The following ELOVL6 variants were observed in gnomAD, a reference collection of about 807,000 sequenced individuals.
ELOVL6 encodes the protein very long chain fatty acid elongase 6.
Under a neutral mutation model 31.7 loss-of-function variants are expected in ELOVL6, and 8 were observed. The observed-to-expected ratio is 0.25, with a 90% CI of 0.15 to 0.45. The LOEUF is 0.45. Among genes scored for constraint, ELOVL6 ranks in the 20% least tolerant of loss-of-function variants. The pLI is 1.00. For missense variants in ELOVL6, 126 were observed against 326.4 expected (o/e 0.39, Z 4.73); for synonymous variants, 101 against 117.7 (o/e 0.86, Z 0.92).
chr4:110,174,390 C>T (rs937671614), intron 1 of ELOVL6, among the ~76,000 whole-genome samples: 1 of 151,974 alleles, frequency 6.6e-6, no homozygotes, highest in Non-Finnish European at 1.5e-5. Context: ...GGTCTTGAAC[C>T]CCCGGCCTCA....
At chr4:110,068,640 C>T (rs1001853507) in intron 2 of ELOVL6, among the ~76,000 whole-genome samples, 27 of 152,182 alleles carry the variant, frequency 1.8e-4, no homozygotes, top group African/African-American at 4.6e-4. Context: ...AGGGTCTGAA[C>T]GTTTCTTAGA....
rs759313545 is a variant in ELOVL6 at position 110,119,130 on chromosome 4, G to T, written c.90-13502C>A. ...CTCTATTTTCAGAAGTATTGGAATTGTAATAAAATAGGTGGTATTGGCTGA... is the reference window on the plus strand; with the variant it reads ...CTCTATTTTCAGAAGTATTGGAATTTTAATAAAATAGGTGGTATTGGCTGA... On this transcript the variant is annotated intron_variant, in intron 1 of 3. Coordinates refer to ENST00000302274, the MANE Select transcript of ELOVL6 (RefSeq NM_024090.3). 4.6e-5 allele frequency among the ~76,000 whole-genome samples: 7 copies of T among 152,228 alleles called. No homozygotes were observed. In the East Asian group the frequency reaches 1.4e-3, roughly 29 times the overall value.
At chr4:110,094,432 TATATATATATAATATATATAA>T (rs1485202370) in intron 2 of ELOVL6, among the ~76,000 whole-genome samples, 3 of 58,462 alleles carry the variant, frequency 5.1e-5, no homozygotes, top group Non-Finnish European at 8.8e-5. Flanking sequence ...TATATATATA[TATATATATATAATATATATAA>T]CATAATATAT....
chr4:110,181,589 A>G (rs1759275652), intron 1 of ELOVL6, among the ~76,000 whole-genome samples: 3 of 144,426 alleles, frequency 2.1e-5, no homozygotes, highest in African/African-American at 5.4e-5. Context: ...CCTAGATCCT[A>G]GTTAACTTGA....
At chr4:110,172,706 T>C (rs1271228823) in intron 1 of ELOVL6, among the ~76,000 whole-genome samples, 1 of 152,234 alleles carries the variant, frequency 6.6e-6, no homozygotes, top group Admixed American at 6.5e-5. Flanking sequence ...GTTTAAAATA[T>C]ATGCTTACAA....
At chr4:110,091,900 C>T (rs1287663429) in intron 2 of ELOVL6, among the ~76,000 whole-genome samples, 1 of 152,176 alleles carries the variant, frequency 6.6e-6, no homozygotes, top group East Asian at 1.9e-4. Context: ...ATTTTAATTA[C>T]ATAGATTTGA....
intron 2 of ELOVL6, among the ~76,000 whole-genome samples, chr4:110,075,905 C>CA (rs1423306847): frequency 4.6e-5 from 7 of 151,570 alleles, no homozygotes; most frequent in African/African-American, 7.3e-5. Context: ...AATGTTGGGA[C>CA]AAAAAAAAGT....
rs367766977 is a variant in ELOVL6, at chr4:110,047,338, C to CA, written c.*3999dup. ...TCTGTTAAAGAATCATTAAGGAAAC[C>CA]AAAAAAAAAAAAAAGCCCTCAGAAT... On this transcript the variant is annotated 3_prime_UTR_variant, in exon 4 of 4. Transcript: ENST00000302274. The CA allele has an allele frequency of 0.29, 38,689 of 132,964 alleles. 5,107 individuals are homozygous for CA. The highest frequency in any genetic ancestry group is 0.35 in the Admixed American group (4,763 of 13,498). 8.2% of individuals were successfully genotyped at this position (132,964 alleles called of 1,614,324 possible).
At chr4:110,094,412 TA>T in intron 2 of ELOVL6, among the ~76,000 whole-genome samples, 1 of 47,912 alleles carries the variant, frequency 2.1e-5, no homozygotes, top group East Asian at 9.8e-4. Context: ...GAAATATATA[TA>T]TATATATATA....
rs1560814557 is a variant in ELOVL6 at position 110,084,210 on chromosome 4, A to AT, written c.221+21286_221+21287insA. ...ACATATAACTTATATGATATATATAACATATAACTTATATGATATATATAA... is the reference window on the plus strand; with the variant it reads ...ACATATAACTTATATGATATATATAATCATATAACTTATATGATATATATAA... On this transcript the variant is annotated intron_variant, in intron 2 of 3. Transcript: ENST00000302274. Among the ~76,000 whole-genome samples the AT allele has an allele frequency of 7.2e-5, 5 of 69,298 alleles. 1 individual carries two copies. Among genetic ancestry groups the AT allele is most frequent in the East Asian group, 8.4e-4 (2 of 2,384 alleles). The allele number at this position is 69,298 out of a possible 152,430, so 45.5% of individuals were successfully genotyped here.
At chr4:110,078,107 A>G (rs1755707489) in intron 2 of ELOVL6, among the ~76,000 whole-genome samples, 1 of 152,232 alleles carries the variant, frequency 6.6e-6, no homozygotes, top group African/African-American at 2.4e-5. Flanking sequence ...CCAAATCTAC[A>G]TCTGATTGGT....
At chr4:110,137,980 G>A (rs1337172597) in intron 1 of ELOVL6, among the ~76,000 whole-genome samples, 2 of 152,120 alleles carry the variant, frequency 1.3e-5, no homozygotes, top group Admixed American at 6.6e-5. Flanking sequence ...CTTATAACTG[G>A]CTAATAAAGA....
chr4:110,090,592 T>C lies in ELOVL6; in HGVS notation c.221+14905A>G, dbSNP rs112642259. ...GCCTTCCAGGAACTTACAGGAAAGT[T>C]TGACTTTCTTTTTTTTTTTTTTTTT... is the stretch of plus-strand genomic sequence containing the variant. On this transcript the variant is annotated intron_variant, in intron 2 of 3. Transcript: ENST00000302274. Among the ~76,000 whole-genome samples the C allele has an allele frequency of 1.3e-3, 183 of 143,524 alleles. 2 individuals are homozygous for C. The highest frequency in any genetic ancestry group is 4.6e-3 in the African/African-American group (167 of 36,290). The allele number at this position is 143,524 out of a possible 152,430, so 94.2% of individuals were successfully genotyped here. A position where few individuals can be genotyped will look rare whatever the true frequency, so the allele number is the denominator to read the frequency against.
intron 2 of ELOVL6, among the ~76,000 whole-genome samples, chr4:110,083,857 C>T (rs1249344137): frequency 6.8e-6 from 1 of 146,596 alleles, no homozygotes; most frequent in Non-Finnish European, 1.5e-5. Context: ...CTTAGACTCC[C>T]TGAGATGCTG....
At chr4:110,129,176 A>G (rs1469046336) in intron 1 of ELOVL6, among the ~76,000 whole-genome samples, 4 of 152,208 alleles carry the variant, frequency 2.6e-5, no homozygotes, top group African/African-American at 9.7e-5. Context: ...AAGAAAAATT[A>G]ATAATTATTT....
intron 1 of ELOVL6, among the ~76,000 whole-genome samples, chr4:110,132,901 C>G (rs1334372688): frequency 6.6e-6 from 1 of 151,478 alleles, no homozygotes; most frequent in African/African-American, 2.4e-5. Flanking sequence ...CAATATAGGA[C>G]TTACTCCCAG....
At position 110,123,228 on chromosome 4, in the gene ELOVL6, G is replaced by A. The variant is rs75253958; in HGVS notation, c.90-17600C>T. On this transcript the variant is annotated intron_variant, in intron 1 of 3. Transcript: ENST00000302274. Reference sequence around the variant, plus strand: ...ATGCTCAAGTGATCTGTGAAACTCTGCTTCAAACTCACTTTATTTTAAATC... The same window carrying A: ...ATGCTCAAGTGATCTGTGAAACTCTACTTCAAACTCACTTTATTTTAAATC... 0.018 allele frequency among the ~76,000 whole-genome samples: 2,728 copies of A among 152,262 alleles called. 207 individuals carry two copies. In the East Asian group the frequency reaches 0.19, roughly 11 times the overall value.
In ELOVL6 at chr4:110,047,861, G is replaced by A. The variant is rs980749360; in HGVS notation, c.*3477C>T. On this transcript the variant is annotated 3_prime_UTR_variant, in exon 4 of 4. Coordinates refer to ENST00000302274, the MANE Select transcript of ELOVL6 (RefSeq NM_024090.3). ...GTCTAGATCGCGCCACTGCACTCCA[G>A]CCTGGGCAACAACAGCAAGAATCCA... The A allele has an allele frequency of 2.3e-5, 3 of 129,744 alleles. No individual in the cohort carries two copies. In the Admixed American group the frequency reaches 2.7e-4, roughly 12 times the overall value. 8.0% of individuals were successfully genotyped at this position (129,744 alleles called of 1,614,324 possible). A position where few individuals can be genotyped will look rare whatever the true frequency, so the allele number is the denominator to read the frequency against.
At position 110,179,060 on chromosome 4, in the gene ELOVL6, T is replaced by C. The variant is rs1317538488; in HGVS notation, c.89+19187A>G. Among the ~76,000 whole-genome samples, 5 of 152,158 alleles carry C rather than the reference T, an allele frequency of 3.3e-5. No homozygotes were observed. In the East Asian group the frequency reaches 9.6e-4, roughly 29 times the overall value. On this transcript the variant is annotated intron_variant, in intron 1 of 3. Coordinates refer to ENST00000302274, the MANE Select transcript of ELOVL6 (RefSeq NM_024090.3). ...TCTGCAAAAGTATGTATTTTTTTATTTATCAAGATGAATCCTAGTAGTTCT... is the reference window on the plus strand; with the variant it reads ...TCTGCAAAAGTATGTATTTTTTTATCTATCAAGATGAATCCTAGTAGTTCT...
Sources: allele counts gnomAD v4.1 joint callset (sites outside exome capture counted in the v4.1 genomes callset), GRCh38; gene constraint gnomAD v4.1.1; transcripts MANE v1.5; gene names NCBI Gene and HGNC (gene_info 2026-07-23, HGNC 2026-07-21).